Variants in LSAMP observed in about 807,000 individuals in gnomAD.
The protein encoded by LSAMP is limbic system-associated membrane protein.
A neutral mutation model predicts 38.6 loss-of-function variants in LSAMP; 7 were observed. That is an observed-to-expected ratio of 0.18 (90% confidence interval 0.10 to 0.34). LSAMP has a LOEUF of 0.34. Among genes scored for constraint, LSAMP ranks in the 10% least tolerant of loss-of-function variants. The pLI is 1.00. For missense variants in LSAMP, 313 were observed against 420.0 expected (o/e 0.75, Z 2.23); for synonymous variants, 154 against 166.8 (o/e 0.92, Z 0.59).
At chr3:115,906,108 T>C (rs1292200136) in intron 3 of LSAMP, among the ~76,000 whole-genome samples, 1 of 152,162 alleles carries the variant, frequency 6.6e-6, no homozygotes, top group East Asian at 1.9e-4. Context: ...CTTTTGCCAA[T>C]GTCAAAAAGA....
intron 1 of LSAMP, among the ~76,000 whole-genome samples, chr3:116,422,997 G>T (rs762922543): frequency 6.6e-6 from 1 of 152,054 alleles, no homozygotes; most frequent in East Asian, 1.9e-4. Flanking sequence ...TGTAAGCCCC[G>T]TGAGAGTTGT....
At chr3:115,881,871 C>A (rs1000171542) in intron 3 of LSAMP, among the ~76,000 whole-genome samples, 1 of 152,150 alleles carries the variant, frequency 6.6e-6, no homozygotes, top group African/African-American at 2.4e-5. Context: ...GAACGTGCAC[C>A]TGTCTCTCAG....
intron 1 of LSAMP, among the ~76,000 whole-genome samples, chr3:116,396,190 C>CA (rs949270912): frequency 6.6e-6 from 1 of 152,062 alleles, no homozygotes; most frequent in Non-Finnish European, 1.5e-5. Context: ...TATTCACTAA[C>CA]AAAAAATCTC....
chr3:116,336,545 A>G (rs767183805), intron 1 of LSAMP, among the ~76,000 whole-genome samples: 4 of 152,074 alleles, frequency 2.6e-5, no homozygotes, highest in Non-Finnish European at 2.9e-5. Context: ...AAAAACTACA[A>G]TGAGATACCC....
chr3:116,345,799 A>G (rs1324556449), intron 1 of LSAMP, among the ~76,000 whole-genome samples: 1 of 152,164 alleles, frequency 6.6e-6, no homozygotes, highest in East Asian at 1.9e-4. Flanking sequence ...TAGTTCAGCT[A>G]CTGGGCCTAG....
intron 6 of LSAMP, among the ~76,000 whole-genome samples, chr3:115,810,891 G>A (rs977779965): frequency 2.0e-5 from 3 of 152,140 alleles, no homozygotes; most frequent in African/African-American, 7.2e-5. Flanking sequence ...CTGTCCCCGG[G>A]GGGAGGCAGT....
At chr3:116,350,973 G>A (rs1181632563) in intron 1 of LSAMP, among the ~76,000 whole-genome samples, 1 of 152,034 alleles carries the variant, frequency 6.6e-6, no homozygotes, top group African/African-American at 2.4e-5. Context: ...AGGCGTCACT[G>A]AGGGTCTTGA....
chr3:116,259,857 A>G (rs367710160), intron 1 of LSAMP, among the ~76,000 whole-genome samples: 3 of 152,210 alleles, frequency 2.0e-5, no homozygotes, highest in African/African-American at 7.2e-5. Flanking sequence ...CTCTGCCTTT[A>G]TAACAGCTAT....
intron 1 of LSAMP, among the ~76,000 whole-genome samples, chr3:116,110,519 G>C (rs1339274003): frequency 6.6e-6 from 1 of 152,176 alleles, no homozygotes; most frequent in Non-Finnish European, 1.5e-5. Context: ...TGTCTCCTTT[G>C]TCTCTACCAG....
At chr3:116,246,671 A>G (rs2046609555) in intron 1 of LSAMP, among the ~76,000 whole-genome samples, 1 of 152,140 alleles carries the variant, frequency 6.6e-6, no homozygotes, top group African/African-American at 2.4e-5. Context: ...TTAGCTCCAC[A>G]AGCACCTCGG....
chr3:116,107,693 T>C, intron 1 of LSAMP, among the ~76,000 whole-genome samples: 1 of 152,226 alleles, frequency 6.6e-6, no homozygotes, highest in East Asian at 1.9e-4. Flanking sequence ...CTTGCGGCAG[T>C]ACAGCCCAGG....
chr3:116,167,278 C>T (rs530264695), intron 1 of LSAMP, among the ~76,000 whole-genome samples: 1 of 152,170 alleles, frequency 6.6e-6, no homozygotes, highest in African/African-American at 2.4e-5. Context: ...CCCCAAAGTC[C>T]ATTATATCAT....
chr3:116,290,757 A>ATAC (rs1271348101), intron 1 of LSAMP, among the ~76,000 whole-genome samples: 8 of 148,292 alleles, frequency 5.4e-5, no homozygotes, highest in Non-Finnish European at 1.2e-4. Context: ...AATAATAATA[A>ATAC]TAATAATAAT....
chr3:115,827,336 CT>C (rs10712971), intron 6 of LSAMP, among the ~76,000 whole-genome samples: 87,255 of 136,798 alleles, frequency 0.64, 30,273 homozygotes, highest in South Asian at 0.8. Flanking sequence ...TTTTCTACTG[CT>C]TTTTTTTTTT....
intron 1 of LSAMP, among the ~76,000 whole-genome samples, chr3:116,149,731 T>A (rs1250597206): frequency 6.6e-6 from 1 of 152,000 alleles, no homozygotes; most frequent in South Asian, 2.1e-4. Flanking sequence ...CTCCGCAAGA[T>A]CTCAAGGAAG....
At chr3:115,845,905 T>TG (rs1237688076) in intron 4 of LSAMP, among the ~76,000 whole-genome samples, 5 of 152,364 alleles carry the variant, frequency 3.3e-5, no homozygotes, top group African/African-American at 1.2e-4. Flanking sequence ...AAAGACCAAC[T>TG]ACTTGCTTCT....
chr3:116,396,652 T>C (rs2048771858), intron 1 of LSAMP, among the ~76,000 whole-genome samples: 1 of 152,240 alleles, frequency 6.6e-6, no homozygotes, highest in Non-Finnish European at 1.5e-5. Context: ...TCTAGCAGTA[T>C]ATCCATTATA....
intron 2 of LSAMP, among the ~76,000 whole-genome samples, chr3:116,022,072 G>T (rs80287349): frequency 7.9e-5 from 12 of 152,048 alleles, no homozygotes; most frequent in Non-Finnish European, 1.0e-4. Flanking sequence ...ATGTAATCAC[G>T]CTGTATCAGT....
chr3:116,071,336 T>A (rs937607206), intron 2 of LSAMP, among the ~76,000 whole-genome samples: 3 of 121,478 alleles, frequency 2.5e-5, no homozygotes, highest in Non-Finnish European at 4.7e-5. Context: ...ATCATGAGGG[T>A]TTTTTTTTTT....
Sources: allele counts gnomAD v4.1 joint callset (sites outside exome capture counted in the v4.1 genomes callset), GRCh38; gene constraint gnomAD v4.1.1; transcripts MANE v1.5; gene names NCBI Gene and HGNC (gene_info 2026-07-23, HGNC 2026-07-21).